Variants in EPHA6 observed in about 807,000 individuals in gnomAD.
EPHA6 encodes the protein ephrin type-A receptor 6.
Under a neutral mutation model 112.0 loss-of-function variants are expected in EPHA6, and 50 were observed. That is an observed-to-expected ratio of 0.45 (90% CI 0.36 to 0.56). EPHA6 has a LOEUF of 0.56. EPHA6 is among the 20% of genes least tolerant of loss of function. The pLI, the probability that EPHA6 is intolerant of heterozygous loss-of-function variation, is 0.00. For missense variants in EPHA6, 1,280 were observed against 1,417.4 expected (o/e 0.90, Z 1.56); for synonymous variants, 529 against 490.7 (o/e 1.08, Z -1.03).
chr3:97,210,217 A>C (rs60055684), intron 3 of EPHA6, among the ~76,000 whole-genome samples: 1 of 152,210 alleles, frequency 6.6e-6, no homozygotes, highest in Admixed American at 6.5e-5. Context: ...TAAAGAAAAA[A>C]TGTTTAATTG....
At chr3:97,219,474 C>T (rs2078129254) in intron 3 of EPHA6, among the ~76,000 whole-genome samples, 1 of 152,198 alleles carries the variant, frequency 6.6e-6, no homozygotes, top group African/African-American at 2.4e-5. Context: ...GAAGGCCCAA[C>T]AGCACATGGA....
chr3:97,007,784 G>A (rs1013963818), intron 3 of EPHA6, among the ~76,000 whole-genome samples: 1 of 152,142 alleles, frequency 6.6e-6, no homozygotes, highest in Non-Finnish European at 1.5e-5. Context: ...AGGAGCTCTT[G>A]CAGGGCAGAC....
chr3:97,187,721 GAA>G (rs1041992703), intron 3 of EPHA6, among the ~76,000 whole-genome samples: 3 of 147,636 alleles, frequency 2.0e-5, no homozygotes, highest in African/African-American at 7.5e-5. Context: ...AAGAAAGAAA[GAA>G]AGAAAGAAAG....
chr3:97,588,853 G>A (rs1397907590), intron 11 of EPHA6, among the ~76,000 whole-genome samples: 1 of 152,098 alleles, frequency 6.6e-6, no homozygotes, highest in Non-Finnish European at 1.5e-5. Flanking sequence ...GATTTGTTAA[G>A]CACATGTGAA....
intron 14 of EPHA6, among the ~76,000 whole-genome samples, chr3:97,690,109 G>C (rs1197549863): frequency 6.6e-6 from 1 of 152,114 alleles, no homozygotes; most frequent in Admixed American, 6.6e-5. Flanking sequence ...GCAAATTTTT[G>C]TGTGGACACA....
rs2035883506 is a variant in EPHA6, at chr3:97,750,830, A to G, written c.*2129A>G. On this transcript the variant is annotated 3_prime_UTR_variant, in exon 18 of 18. Coordinates refer to ENST00000389672, the MANE Select transcript of EPHA6 (RefSeq NM_001080448.3). ...AGAGTCTTTAGATGTTTCTTAAAATATACAAAAAAAGGTAGGGGGTGATGG... is the reference window on the plus strand; with the variant it reads ...AGAGTCTTTAGATGTTTCTTAAAATGTACAAAAAAAGGTAGGGGGTGATGG... Among the ~76,000 whole-genome samples the G allele has an allele frequency of 6.6e-6, 1 of 152,152 alleles. No individual in the cohort carries two copies.
At chr3:97,065,635 T>C (rs2046153821) in intron 3 of EPHA6, among the ~76,000 whole-genome samples, 1 of 152,062 alleles carries the variant, frequency 6.6e-6, no homozygotes, top group Non-Finnish European at 1.5e-5. Context: ...AACACACTAT[T>C]TCTAGGAAGT....
intron 3 of EPHA6, among the ~76,000 whole-genome samples, chr3:97,062,485 G>GA (rs988631705): frequency 2.6e-5 from 4 of 152,094 alleles, no homozygotes; most frequent in Admixed American, 6.5e-5. Flanking sequence ...AAATTTACAA[G>GA]AAAAAAGCCA....
intron 14 of EPHA6, among the ~76,000 whole-genome samples, chr3:97,697,438 A>G (rs1170352462): frequency 6.6e-6 from 1 of 152,190 alleles, no homozygotes; most frequent in East Asian, 1.9e-4. Flanking sequence ...CTGTAACCCA[A>G]AAGGCAAGGA....
intron 1 of EPHA6, among the ~76,000 whole-genome samples, chr3:96,856,258 G>A (rs2035693158): frequency 6.6e-6 from 1 of 151,398 alleles, no homozygotes; most frequent in Non-Finnish European, 1.5e-5. Flanking sequence ...AAAAAAAAAT[G>A]GGCAGTTTAT....
intron 14 of EPHA6, among the ~76,000 whole-genome samples, chr3:97,673,335 G>A (rs2031039169): frequency 1.3e-5 from 2 of 152,202 alleles, no homozygotes; most frequent in African/African-American, 4.8e-5. Flanking sequence ...ACTCGGGAAT[G>A]GGATGGCATG....
rs549526364 is a variant in EPHA6 at position 97,516,284 on chromosome 3, A to G, written c.2201-16074A>G. On this transcript the variant is annotated intron_variant, in intron 10 of 17. Transcript: ENST00000389672. ...AGAAATGGAAGCCCTAACTTCTAAG[A>G]TCGTGTCCTGACAAATGCGTTGGTC... 2.8e-3 allele frequency among the ~76,000 whole-genome samples: 421 copies of G among 152,302 alleles called. 5 individuals carry two copies. The South Asian group carries it at 0.037, about 13-fold the overall frequency.
intron 5 of EPHA6, among the ~76,000 whole-genome samples, chr3:97,279,124 C>T (rs2080200844): frequency 6.6e-6 from 1 of 152,026 alleles, no homozygotes; most frequent in Non-Finnish European, 1.5e-5. Flanking sequence ...AGTCAAGTCA[C>T]AAAATGGGAA....
chr3:97,079,212 T>G (rs916322222), intron 3 of EPHA6, among the ~76,000 whole-genome samples: 1 of 152,006 alleles, frequency 6.6e-6, no homozygotes, highest in African/African-American at 2.4e-5. Context: ...TAAATGCCCA[T>G]CAATGTTAGG....
chr3:96,914,444 T>C (rs1576017602), intron 2 of EPHA6, among the ~76,000 whole-genome samples: 1 of 152,310 alleles, frequency 6.6e-6, no homozygotes, highest in Middle Eastern at 3.4e-3. Context: ...AATGTACTTA[T>C]AAAAGCACCT....
chr3:97,446,312 C>CTCA (rs1346770654), intron 6 of EPHA6, among the ~76,000 whole-genome samples: 1,957 of 152,202 alleles, frequency 0.013, 34 homozygotes, highest in African/African-American at 0.044. Context: ...GGCTGAAGAA[C>CTCA]CCCTTAAGTA....
chr3:97,004,697 TGTCATGAA>T (rs2043808499), intron 3 of EPHA6, among the ~76,000 whole-genome samples: 1 of 152,174 alleles, frequency 6.6e-6, no homozygotes, highest in Non-Finnish European at 1.5e-5. Flanking sequence ...TTGGCATTTT[TGTCATGAA>T]GTCTTTGCCC....
intron 2 of EPHA6, among the ~76,000 whole-genome samples, chr3:96,978,580 A>G (rs2107807036): frequency 6.6e-6 from 1 of 152,260 alleles, no homozygotes; most frequent in Admixed American, 6.5e-5. Flanking sequence ...ATATTCTTGA[A>G]TAAGATGAAA....
intron 11 of EPHA6, among the ~76,000 whole-genome samples, chr3:97,555,682 G>A (rs1185355853): frequency 1.3e-5 from 2 of 152,138 alleles, no homozygotes; most frequent in African/African-American, 2.4e-5. Context: ...GGCCAGTGAT[G>A]GTGAGCATTT....
Sources: gnomAD v4.1 joint callset for allele counts (sites outside exome capture counted in the v4.1 genomes callset) on GRCh38, gnomAD v4.1.1 for gene constraint, MANE v1.5 for transcripts, NCBI Gene and HGNC (gene_info 2026-07-23, HGNC 2026-07-21) for gene names.